The following FURIN variants were observed in gnomAD, a reference collection of about 807,000 sequenced individuals.
FURIN encodes the protein FES upstream region.
FURIN carries 18 observed loss-of-function variants against 89.2 expected under a neutral mutation model. That is an observed-to-expected ratio of 0.20 (90% confidence interval 0.14 to 0.30). FURIN has a LOEUF of 0.30. Ranked by LOEUF, FURIN falls within the 10% of genes least tolerant of loss-of-function variation. The probability of loss-of-function intolerance (pLI) is 1.00; values close to 1 mark genes in which losing one functional copy is unlikely to be tolerated. For missense variants in FURIN, 879 were observed against 1,100.5 expected (o/e 0.80, Z 2.85); for synonymous variants, 508 against 466.4 (o/e 1.09, Z -1.15).
chr15:90,880,922 TG>T lies in FURIN; in HGVS notation c.1682-6del, dbSNP rs1244891663. On this transcript the variant is annotated splice_polypyrimidine_tract_variant and splice_region_variant and intron_variant, in intron 14 of 15. Transcript: ENST00000268171. ...CTTAACTCTTGCCTCCTCCCCGCTC[TG>T]GAACAGGGACGCTGACCAAGTTCAC... The T allele has an allele frequency of 6.2e-7, 1 of 1,612,648 alleles. No homozygotes were observed. Among genetic ancestry groups the T allele is most frequent in the East Asian group, 2.2e-5 (1 of 44,896 alleles).
In FURIN at chr15:90,876,039, G is replaced by A; in HGVS notation, c.177+122G>A. 1 of 905,506 alleles carries A rather than the reference G, an allele frequency of 1.1e-6. No individual in the cohort carries two copies. Among genetic ancestry groups the A allele is most frequent in the Non-Finnish European group, 1.7e-6 (1 of 601,720 alleles). 56.1% of individuals were successfully genotyped at this position (905,506 alleles called of 1,614,324 possible). A position where few individuals can be genotyped will look rare whatever the true frequency, so the allele number is the denominator to read the frequency against. ...CTGGGTAGCCGGCATGTTCTGGGTG[G>A]CCATGAGCAAAGCACAGGTGGTTCA... On this transcript the variant is annotated intron_variant, in intron 2 of 15. Coordinates refer to ENST00000268171, the MANE Select transcript of FURIN (RefSeq NM_002569.4). The surrounding 1 kb of genome is among the most constrained non-coding windows in gnomAD (Gnocchi z 5.0).
intron 1 of FURIN, among the ~76,000 whole-genome samples, chr15:90,870,344 G>C (rs1368204226): frequency 6.6e-6 from 1 of 152,064 alleles, no homozygotes; most frequent in Non-Finnish European, 1.5e-5. Context: ...TGCAGACAGT[G>C]ATACATCAAA....
rs1567082935 is a variant in FURIN, at chr15:90,876,426, C to T, written c.277-36C>T. ...TCTCAGGAGCCCCTCTCGCCTCCTG[C>T]TCCACCCACACCATCTCTCCCTCAC... On this transcript the variant is annotated intron_variant, in intron 3 of 15. Coordinates refer to ENST00000268171, the MANE Select transcript of FURIN (RefSeq NM_002569.4). The surrounding 1 kb of genome is among the most constrained non-coding windows in gnomAD (Gnocchi z 5.0). 3 of 1,560,740 alleles carry T rather than the reference C, an allele frequency of 1.9e-6. No homozygotes were observed. The highest frequency in any genetic ancestry group is 2.7e-6 in the Non-Finnish European group (3 of 1,131,492).
In FURIN at chr15:90,876,432, C is replaced by G; in HGVS notation, c.277-30C>G. ...GAGCCCCTCTCGCCTCCTGCTCCAC[C>G]CACACCATCTCTCCCTCACTCCCCC... On this transcript the variant is annotated intron_variant, in intron 3 of 15. Transcript: ENST00000268171. This position sits in a 1 kb window ranked among gnomAD's most constrained non-coding sequence, Gnocchi z 5.0. The G allele has an allele frequency of 6.3e-7, 1 of 1,576,568 alleles. No homozygotes were observed. The highest frequency in any genetic ancestry group is 8.7e-7 in the Non-Finnish European group (1 of 1,145,866).
At chr15:90,871,342 G>A (rs950424377) in intron 1 of FURIN, among the ~76,000 whole-genome samples, 2 of 151,972 alleles carry the variant, frequency 1.3e-5, no homozygotes, top group African/African-American at 4.8e-5. Context: ...GCGGGGGCAC[G>A]GCAGCGGGGC....
At chr15:90,869,167 C>T (rs1416522700) in intron 1 of FURIN, among the ~76,000 whole-genome samples, 2 of 152,184 alleles carry the variant, frequency 1.3e-5, no homozygotes, top group Non-Finnish European at 2.9e-5. Context: ...CCCTTTACAG[C>T]CCCCACTTAC....
At position 90,879,557 on chromosome 15, in the gene FURIN, G is replaced by C. The variant is rs1280264554; in HGVS notation, c.1154+13G>C. 1 of 1,593,118 alleles carries C rather than the reference G, an allele frequency of 6.3e-7. No homozygotes were observed. ...CCCTGGAGGCCAAGTAAGTGGGTGG[G>C]GGCCAGCGGCAACCCTGTCCCTACC... is the stretch of plus-strand genomic sequence containing the variant. On this transcript the variant is annotated intron_variant, in intron 10 of 15. Transcript: ENST00000268171.
At position 90,880,770 on chromosome 15, in the gene FURIN, G is replaced by A. The variant is rs570817790; in HGVS notation, c.1636G>A (p.Glu546Lys). 23 of 1,614,012 alleles carry A rather than the reference G, an allele frequency of 1.4e-5. No individual in the cohort carries two copies. The highest frequency in any genetic ancestry group is 6.6e-5 in the South Asian group (6 of 91,052). ...THSWDEDPSG[E>K]WVLEIENTSE... The stretch of plus-strand genomic sequence containing the variant: ...TTCCTGGGATGAGGATCCCTCTGGC[G>A]AGTGGGTCCTAGAGATTGAAAACAC... Residue 546 changes from glutamate (E) to lysine (K), a missense_variant, in exon 14 of 16, where the codon GAG (glutamate) becomes AAG (lysine). Transcript: ENST00000268171.
At chr15:90,878,733 C>G in intron 8 of FURIN, 31 bp from the exon 9 acceptor site, 1 of 1,384,250 alleles carries the variant, frequency 7.2e-7, no homozygotes, top group Non-Finnish European at 1.0e-6. Context: ...AAGTCCCAAT[C>G]TTGAATGACC....
At chr15:90,871,438 G>A (rs1374776300) in intron 1 of FURIN, 1 of 45,564 alleles carries the variant, frequency 2.2e-5, no homozygotes, top group African/African-American at 8.8e-5. Context: ...GGAGGCAGCG[G>A]GCGCCCCAGA....
intron 6 of FURIN, 45 bp from the exon 7 acceptor site, chr15:90,877,482 T>A (rs1234951349): frequency 6.8e-7 from 1 of 1,466,554 alleles, no homozygotes; most frequent in East Asian, 2.5e-5. Context: ...CCGGGCCCTG[T>A]TCACCCCATT....
intron 1 of FURIN, chr15:90,872,784 GTC>G (rs2031388436): frequency 6.6e-6 from 1 of 152,232 alleles, no homozygotes. Flanking sequence ...CCCGCGTGGT[GTC>G]TCTGCTAGAG....
rs2032146099 is a variant in FURIN, at chr15:90,883,428, G to A, written c.*1550G>A. 2 of 152,602 alleles carry A rather than the reference G, an allele frequency of 1.3e-5. No homozygotes were observed. Among genetic ancestry groups the A allele is most frequent in the African/African-American group, 4.8e-5 (2 of 41,468 alleles). 9.5% of individuals were successfully genotyped at this position (152,602 alleles called of 1,614,324 possible). On this transcript the variant is annotated 3_prime_UTR_variant, in exon 16 of 16. Coordinates refer to ENST00000268171, the MANE Select transcript of FURIN (RefSeq NM_002569.4). Reference sequence around the variant, plus strand: ...ATGAGATAATGTTAGAGGTTTTAAAGTGATTAAACGTGCAGACTATGCAAA... The same window carrying A: ...ATGAGATAATGTTAGAGGTTTTAAAATGATTAAACGTGCAGACTATGCAAA...
intron 13 of FURIN, 55 bp downstream of exon 13, chr15:90,880,328 C>A: frequency 7.0e-7 from 1 of 1,425,878 alleles, no homozygotes; most frequent in Non-Finnish European, 9.6e-7. Context: ...TCACAGCCCG[C>A]GTGCTTGCCT....
chr15:90,878,631 A>T (rs1277940906), intron 8 of FURIN, 133 bp from the exon 9 acceptor site: 2 of 619,592 alleles, frequency 3.2e-6, no homozygotes, highest in African/African-American at 3.7e-5. Flanking sequence ...TACTTGATCC[A>T]CCAGGGATCT....
Position 90,881,650 on chromosome 15 carries a change from C to T in FURIN, c.2157C>T (p.Gly719=), listed in dbSNP as rs1567085651. 6.3e-7 allele frequency: 1 copy of T among 1,586,236 alleles called. No homozygotes were observed. Among genetic ancestry groups the T allele is most frequent in the Non-Finnish European group, 8.6e-7 (1 of 1,163,804 alleles). ...CACACCTGCCTGAGGTGGTGGCCGG[C>T]CTCAGCTGCGCCTTCATCGTGCTGG... The part of the protein sequence containing the change: ...LPSHLPEVVA[G]LSCAFIVLVF... The change falls in exon 16 of 16, where the codon GGC becomes GGT. Residue 719 remains glycine (G), a synonymous_variant. Transcript: ENST00000268171. This position sits in a 1 kb window ranked among gnomAD's most constrained non-coding sequence, Gnocchi z 4.3.
At chr15:90,871,815 C>T (rs2031320969) in intron 1 of FURIN, among the ~76,000 whole-genome samples, 1 of 149,686 alleles carries the variant, frequency 6.7e-6, no homozygotes, top group Non-Finnish European at 1.5e-5. Context: ...GCCGGCTTTC[C>T]GGAACTGGCC....
intron 13 of FURIN, 60 bp from the exon 14 acceptor site, chr15:90,880,631 A>G (rs2031907053): frequency 2.6e-6 from 4 of 1,555,956 alleles, no homozygotes; most frequent in Admixed American, 1.8e-5. Context: ...GCTGTGGGTT[A>G]GATGTCCCTG....
chr15:90,870,999 C>G (rs576410696), intron 1 of FURIN, among the ~76,000 whole-genome samples: 2 of 152,234 alleles, frequency 1.3e-5, no homozygotes, highest in African/African-American at 4.8e-5. Context: ...TGGGCTACTT[C>G]TGCTCATATA....
Sources: allele counts gnomAD v4.1 joint callset (sites outside exome capture counted in the v4.1 genomes callset), GRCh38; gene constraint gnomAD v4.1.1; non-coding constraint Gnocchi (gnomAD v3.1); transcripts MANE v1.5; gene names NCBI Gene and HGNC (gene_info 2026-07-23, HGNC 2026-07-21).